Variants in MAF observed in about 807,000 individuals in gnomAD.
The protein encoded by MAF is MAF bZIP transcription factor.
A neutral mutation model predicts 22.0 loss-of-function variants in MAF; 10 were observed. The observed-to-expected ratio is 0.45, with a 90% CI of 0.28 to 0.77. The LOEUF is 0.77. Ranked by LOEUF, MAF falls within the 30% of genes least tolerant of loss-of-function variation. The probability of loss-of-function intolerance (pLI) is 0.12; values close to 1 mark genes in which losing one functional copy is unlikely to be tolerated. For synonymous variants in MAF, 337 were observed against 255.8 expected (o/e 1.32, Z -3.03); for missense variants, 544 against 548.4 (o/e 0.99, Z 0.08).
At chr16:79,524,192 C>G in the MAF span, among the ~76,000 whole-genome samples, 1 of 152,176 alleles carries the variant, frequency 6.6e-6, no homozygotes, top group East Asian at 1.9e-4. Context: ...TCAGTTTCAA[C>G]GGGAGAGCAG....
the MAF span, among the ~76,000 whole-genome samples, chr16:79,486,616 C>T: frequency 1.3e-5 from 2 of 152,198 alleles, no homozygotes; most frequent in Admixed American, 1.3e-4. Flanking sequence ...ACCCAAGTTA[C>T]GCAGCTATCT....
the MAF span, among the ~76,000 whole-genome samples, chr16:79,338,744 C>T: frequency 6.6e-6 from 1 of 152,296 alleles, no homozygotes; most frequent in East Asian, 1.9e-4. Context: ...CTTCACTTGG[C>T]TCCTTGCTAA....
the MAF span, among the ~76,000 whole-genome samples, chr16:79,258,608 C>T: frequency 6.6e-6 from 1 of 152,224 alleles, no homozygotes; most frequent in Non-Finnish European, 1.5e-5. Flanking sequence ...CCACTCTCCT[C>T]CAGGTTGCTG....
chr16:79,465,850 T>G, the MAF span, among the ~76,000 whole-genome samples: 75 of 152,300 alleles, frequency 4.9e-4, 2 homozygotes, highest in African/African-American at 1.7e-3. Flanking sequence ...GCTTCATATG[T>G]CACCTCCCTT....
At chr16:79,293,221 C>G in the MAF span, among the ~76,000 whole-genome samples, 537 of 152,240 alleles carry the variant, frequency 3.5e-3, 8 homozygotes, top group African/African-American at 0.012. Context: ...GGTAACAACA[C>G]CAACTCCTGG....
At chr16:79,512,975 C>T in the MAF span, among the ~76,000 whole-genome samples, 3 of 152,352 alleles carry the variant, frequency 2.0e-5, no homozygotes, top group African/African-American at 7.2e-5. Flanking sequence ...CACAAAGGTG[C>T]TGACTGCTCA....
downstream of MAF, among the ~76,000 whole-genome samples, chr16:79,592,057 C>T (rs1021244133): frequency 1.3e-5 from 2 of 152,222 alleles, no homozygotes; most frequent in Admixed American, 1.3e-4. Context: ...GAAATTCAGA[C>T]TGGTAACAGG....
the MAF span, among the ~76,000 whole-genome samples, chr16:79,413,235 TTTTTTTTTTTTTTTTTTTTTTTTTTG>T: frequency 1.4e-5 from 1 of 73,452 alleles, no homozygotes; most frequent in Non-Finnish European, 2.7e-5. Flanking sequence ...TTTTTTTTTT[TTTTTTTTTTTTTTTTTTTTTTTTTTG>T]AGACGGAGTC....
At chr16:79,219,496 A>G in the MAF span, among the ~76,000 whole-genome samples, 1 of 143,860 alleles carries the variant, frequency 7.0e-6, no homozygotes. Context: ...GCCTAAAGTG[A>G]GCGGACATCG....
the MAF span, among the ~76,000 whole-genome samples, chr16:79,423,560 T>C: frequency 2.2e-4 from 33 of 152,228 alleles, no homozygotes; most frequent in Non-Finnish European, 5.9e-5. Context: ...TAAAGTTTTA[T>C]TGGAATACAG....
At chr16:79,553,659 G>T in the MAF span, among the ~76,000 whole-genome samples, 2 of 152,234 alleles carry the variant, frequency 1.3e-5, no homozygotes, top group African/African-American at 2.4e-5. Context: ...AAGCCCAGGG[G>T]AAGGCTGGAA....
the MAF span, among the ~76,000 whole-genome samples, chr16:79,475,335 G>GATAT: frequency 2.1e-4 from 31 of 147,268 alleles, no homozygotes; most frequent in African/African-American, 5.0e-4. Flanking sequence ...TATATATGGA[G>GATAT]ATATATATAT....
At chr16:79,489,866 T>C in the MAF span, among the ~76,000 whole-genome samples, 3 of 151,886 alleles carry the variant, frequency 2.0e-5, no homozygotes, top group Non-Finnish European at 4.4e-5. Flanking sequence ...TCTGGGCAGG[T>C]TGGAAAGAGA....
the MAF span, among the ~76,000 whole-genome samples, chr16:79,334,848 T>C: frequency 1.1e-5 from 1 of 93,566 alleles, no homozygotes; most frequent in Admixed American, 1.3e-4. Flanking sequence ...AGTGTGTGTG[T>C]GTGTGTGTGT....
rs764199478 is a variant in MAF at position 79,599,705 on chromosome 16, C to T, written c.198G>A (p.Ser66=). Residue 66 remains serine (S), a synonymous_variant, in exon 1 of 2, where the codon TCG becomes TCA. Transcript: ENST00000326043. ...CCGAGAAGCTGGGGGAAGGGGGCAC[C>T]GAGCTGCACGGCGTGCTCATGGGGG... ...SSTPMSTPCS[S]VPPSPSFSAP... 3 of 1,612,514 alleles carry T rather than the reference C, an allele frequency of 1.9e-6. No individual in the cohort carries two copies. The highest frequency in any genetic ancestry group is 1.7e-6 in the Non-Finnish European group (2 of 1,179,762).
the MAF span, among the ~76,000 whole-genome samples, chr16:79,253,619 A>G: frequency 6.6e-6 from 1 of 151,912 alleles, no homozygotes; most frequent in South Asian, 2.1e-4. Context: ...TACACATCTG[A>G]TAACGTTTTT....
the MAF span, among the ~76,000 whole-genome samples, chr16:79,415,176 A>G: frequency 6.6e-6 from 1 of 152,092 alleles, no homozygotes; most frequent in African/African-American, 2.4e-5. Context: ...GGAGAGCTAC[A>G]CGGGCAGGAC....
chr16:79,364,325 A>G, the MAF span, among the ~76,000 whole-genome samples: 1 of 152,192 alleles, frequency 6.6e-6, no homozygotes, highest in Non-Finnish European at 1.5e-5. Context: ...GACCAAATTA[A>G]AGTAGCAGCT....
chr16:79,529,610 G>C, the MAF span, among the ~76,000 whole-genome samples: 3 of 152,170 alleles, frequency 2.0e-5, no homozygotes, highest in Non-Finnish European at 4.4e-5. Context: ...GCAGGTGTTT[G>C]ACATTCAATA....
Sources: gnomAD v4.1 joint callset for allele counts (sites outside exome capture counted in the v4.1 genomes callset) on GRCh38, gnomAD v4.1.1 for gene constraint, MANE v1.5 for transcripts, NCBI Gene and HGNC (gene_info 2026-07-23, HGNC 2026-07-21) for gene names.